The following KCNK10 variants were observed in gnomAD, a reference collection of about 807,000 sequenced individuals.
KCNK10 encodes the protein potassium channel subfamily K member 10.
A neutral mutation model predicts 47.7 loss-of-function variants in KCNK10; 25 were observed. The observed-to-expected ratio is 0.52, with a 90% CI of 0.38 to 0.73. The LOEUF is 0.73. KCNK10 is among the 30% of genes least tolerant of loss of function. KCNK10 has a pLI of 0.00. For synonymous variants in KCNK10, 303 were observed against 285.6 expected, an observed-to-expected ratio of 1.06 and a Z score of -0.61; for missense variants, 563 against 714.5, an observed-to-expected ratio of 0.79 and a Z score of 2.42.
intron 1 of KCNK10, among the ~76,000 whole-genome samples, chr14:88,267,376 T>G (rs1213652423): frequency 7.7e-6 from 1 of 130,700 alleles, no homozygotes; most frequent in East Asian, 2.0e-4. Flanking sequence ...TTTCTTTTTC[T>G]TTTTTTTTTT....
At chr14:88,305,453 CTT>C (rs1888185346) in intron 1 of KCNK10, among the ~76,000 whole-genome samples, 1 of 152,168 alleles carries the variant, frequency 6.6e-6, no homozygotes, top group African/African-American at 2.4e-5. Flanking sequence ...TTCACCCTCT[CTT>C]TTCATGCTGC....
At chr14:88,276,026 C>T (rs143410941) in intron 1 of KCNK10, among the ~76,000 whole-genome samples, 111 of 152,314 alleles carry the variant, frequency 7.3e-4, no homozygotes, top group Middle Eastern at 3.4e-3. Context: ...ACAGCCCCAA[C>T]AGCTCCACTA....
intron 1 of KCNK10, among the ~76,000 whole-genome samples, chr14:88,305,180 T>C (rs370830464): frequency 9.9e-5 from 15 of 151,250 alleles, no homozygotes; most frequent in African/African-American, 3.6e-4. Flanking sequence ...ACCTGGGTGA[T>C]AGAACAAGAC....
chr14:88,284,601 A>G (rs777965910), intron 1 of KCNK10, among the ~76,000 whole-genome samples: 2 of 152,224 alleles, frequency 1.3e-5, no homozygotes, highest in Non-Finnish European at 2.9e-5. Context: ...GTTGGAGGGC[A>G]GGAAGCATCC....
At chr14:88,290,099 T>C (rs1887844803) in intron 1 of KCNK10, among the ~76,000 whole-genome samples, 1 of 152,196 alleles carries the variant, frequency 6.6e-6, no homozygotes, top group Admixed American at 6.5e-5. Context: ...ATTACTTTAC[T>C]ACTTTACACG....
At chr14:88,205,732 T>C (rs973881989) in intron 4 of KCNK10, among the ~76,000 whole-genome samples, 2 of 151,772 alleles carry the variant, frequency 1.3e-5, no homozygotes, top group African/African-American at 4.8e-5. Flanking sequence ...TTTAGTAAGA[T>C]GGAGTTTCAC....
chr14:88,295,945 T>C (rs1217832194), intron 1 of KCNK10, among the ~76,000 whole-genome samples: 1 of 152,166 alleles, frequency 6.6e-6, no homozygotes, highest in East Asian at 1.9e-4. Flanking sequence ...TAACAAATTC[T>C]TGATCCTCAG....
chr14:88,232,990 T>C (rs1252201061), intron 3 of KCNK10, among the ~76,000 whole-genome samples: 1 of 152,186 alleles, frequency 6.6e-6, no homozygotes, highest in Non-Finnish European at 1.5e-5. Flanking sequence ...TGATGACAGA[T>C]GGCAGCTGCA....
At chr14:88,216,478 C>T (rs566127554) in intron 4 of KCNK10, among the ~76,000 whole-genome samples, 1 of 152,308 alleles carries the variant, frequency 6.6e-6, no homozygotes, top group Non-Finnish European at 1.5e-5. Flanking sequence ...CCCAGGGATG[C>T]TGCTACACAT....
At position 88,181,099 on chromosome 14, in the gene KCNK10, C is replaced by CT; in HGVS notation, c.*4435dup. The CT allele has an allele frequency of 2.9e-6, 1 of 341,124 alleles. No individual in the cohort carries two copies. The highest frequency in any genetic ancestry group is 5.3e-6 in the Non-Finnish European group (1 of 190,294). The allele number at this position is 341,124 out of a possible 1,614,324, so 21.1% of individuals were successfully genotyped here. On this transcript the variant is annotated 3_prime_UTR_variant, in exon 7 of 7. Coordinates refer to ENST00000319231, the MANE Select transcript of KCNK10 (RefSeq NM_138317.3). ...TTTTTCCTTTCTCGTTTTACAGGGG[C>CT]TCTGAATGTTTGTTTTCCTACGCCT...
chr14:88,319,993 GA>G (rs1166035154), intron 1 of KCNK10, among the ~76,000 whole-genome samples: 1 of 152,106 alleles, frequency 6.6e-6, no homozygotes, highest in Non-Finnish European at 1.5e-5. Flanking sequence ...ATACAGATAA[GA>G]GATATGCCAC....
At chr14:88,191,340 A>AATACAC (rs1884741402) in intron 5 of KCNK10, among the ~76,000 whole-genome samples, 2 of 149,962 alleles carry the variant, frequency 1.3e-5, no homozygotes, top group Non-Finnish European at 3.0e-5. Context: ...TGGTAAAGGA[A>AATACAC]ACACACACAC....
In KCNK10 at chr14:88,312,317, T is replaced by TAA. The variant is rs36087617; in HGVS notation, c.52+10428_52+10429dup. The stretch of plus-strand genomic sequence containing the variant: ...CTGTACAGAAAAAGCAACAAGATTG[T>TAA]AAAAAAATGTTTACTCAAAATATGA... On this transcript the variant is annotated intron_variant, in intron 1 of 6. Coordinates refer to ENST00000319231, the MANE Select transcript of KCNK10 (RefSeq NM_138317.3). 2.0e-4 allele frequency among the ~76,000 whole-genome samples: 30 copies of TAA among 152,134 alleles called. 1 individual carries two copies. The highest frequency in any genetic ancestry group is 1.9e-3 in the Admixed American group (29 of 15,286).
chr14:88,314,542 G>A (rs1888390337), intron 1 of KCNK10, among the ~76,000 whole-genome samples: 1 of 152,226 alleles, frequency 6.6e-6, no homozygotes, highest in Admixed American at 6.5e-5. Flanking sequence ...TCCAAGCCAT[G>A]TTCTTTCACT....
At chr14:88,313,578 C>G (rs1046820711) in intron 1 of KCNK10, among the ~76,000 whole-genome samples, 8 of 152,114 alleles carry the variant, frequency 5.3e-5, no homozygotes, top group Non-Finnish European at 8.8e-5. Context: ...GAGCCCTCTC[C>G]CCAACAACCA....
At chr14:88,198,341 A>C (rs957777502) in intron 4 of KCNK10, among the ~76,000 whole-genome samples, 4 of 152,188 alleles carry the variant, frequency 2.6e-5, no homozygotes, top group African/African-American at 9.6e-5. Context: ...GAGCCACATC[A>C]ACTGAGTAAC....
chr14:88,314,801 T>A (rs1888394755), intron 1 of KCNK10, among the ~76,000 whole-genome samples: 1 of 152,232 alleles, frequency 6.6e-6, no homozygotes, highest in South Asian at 2.1e-4. Flanking sequence ...TGATCCGGCA[T>A]TCTTCTAAGA....
At chr14:88,188,148 A>G (rs1419428370) in intron 5 of KCNK10, 39 bp from the exon 6 acceptor site, 1 of 1,609,030 alleles carries the variant, frequency 6.2e-7, no homozygotes, top group Non-Finnish European at 8.5e-7. Context: ...ATGATCTAGC[A>G]TATGGTCTTT....
intron 2 of KCNK10, among the ~76,000 whole-genome samples, chr14:88,249,711 T>A (rs1243652026): frequency 1.3e-5 from 2 of 152,118 alleles, no homozygotes; most frequent in Non-Finnish European, 2.9e-5. Context: ...CCCCACTTCA[T>A]AGGATCAATG....
Sources: gnomAD v4.1 joint callset for allele counts (sites outside exome capture counted in the v4.1 genomes callset) on GRCh38, gnomAD v4.1.1 for gene constraint, MANE v1.5 for transcripts, NCBI Gene and HGNC (gene_info 2026-07-23, HGNC 2026-07-21) for gene names.